Variants in C4orf36 observed in about 807,000 individuals in gnomAD.
The protein encoded by C4orf36 is chromosome 4 open reading frame 36, also known as uncharacterized protein C4orf36.
Under a neutral mutation model 12.2 loss-of-function variants are expected in C4orf36, and 11 were observed. That is an observed-to-expected ratio of 0.90 (90% confidence interval 0.57 to 1.49). The LOEUF (loss-of-function observed/expected upper bound fraction) is 1.49, where lower values mean the gene tolerates loss of function less well. Among genes scored for constraint, C4orf36 ranks in the 40% most tolerant of loss-of-function variants. The pLI is 0.00. For synonymous variants in C4orf36, 54 were observed against 51.3 expected, an observed-to-expected ratio of 1.05 and a Z score of -0.22; for missense variants, 137 against 133.9, an observed-to-expected ratio of 1.02 and a Z score of -0.11.
At chr4:86,893,884 ATTTATTT>A (rs1747528034), upstream of C4orf36, among the ~76,000 whole-genome samples, 2 of 139,508 alleles carry the variant, frequency 1.4e-5, no homozygotes, top group Non-Finnish European at 3.0e-5. Flanking sequence ...TTATTTATTT[ATTTATTT>A]ATTTATTTAT....
At chr4:86,914,784 G>A in the C4orf36 span, 1 of 454,494 alleles carries the variant, frequency 2.2e-6, no homozygotes. Flanking sequence ...CACGATAGGT[G>A]ATTGGCTCTA....
the C4orf36 span, among the ~76,000 whole-genome samples, chr4:86,902,439 A>AAAAAAAG: frequency 7.8e-5 from 11 of 140,958 alleles, no homozygotes; most frequent in African/African-American, 2.4e-4. Flanking sequence ...AAAAAAAAAA[A>AAAAAAAG]AAAGAAAGAA....
rs1204239395 is a variant in C4orf36, at chr4:86,886,452, G to A, written c.*2+1306C>T. 2.0e-5 allele frequency: 3 copies of A among 152,282 alleles called. No homozygotes were observed. In the East Asian group the frequency reaches 5.8e-4, roughly 29 times the overall value. 9.4% of individuals were successfully genotyped at this position (152,282 alleles called of 1,614,324 possible). A position where few individuals can be genotyped will look rare whatever the true frequency, so the allele number is the denominator to read the frequency against. On this transcript the variant is annotated intron_variant, in intron 4 of 4. Transcript: ENST00000295898. ...ACAACCCCATCAAAAAGTGGGCAAA[G>A]GATATGAACAGACACTTCTCAAAAG... is the stretch of plus-strand genomic sequence containing the variant.
At position 86,876,873 on chromosome 4, in the gene C4orf36, C is replaced by T. The variant is rs540890202; in HGVS notation, c.*3-430G>A. Reference sequence around the variant, plus strand: ...CAGATCTACTAAAACCTAGAGTTTTCTCTCTATTACTATCTTATCTAAATC... The same window carrying T: ...CAGATCTACTAAAACCTAGAGTTTTTTCTCTATTACTATCTTATCTAAATC... On this transcript the variant is annotated intron_variant, in intron 4 of 4. Transcript: ENST00000295898. Among the ~76,000 whole-genome samples, 6 of 152,294 alleles carry T rather than the reference C, an allele frequency of 3.9e-5. No homozygotes were observed. The East Asian group carries it at 1.2e-3, about 29-fold the overall frequency.
At chr4:86,904,120 G>T in the C4orf36 span, among the ~76,000 whole-genome samples, 60 of 152,356 alleles carry the variant, frequency 3.9e-4, 1 homozygote, top group East Asian at 0.011. Context: ...CCGGGACTTT[G>T]CGTCACCCAG....
chr4:86,890,776 G>T (rs1362003077), intron 2 of C4orf36, among the ~76,000 whole-genome samples: 1 of 152,210 alleles, frequency 6.6e-6, no homozygotes, highest in Admixed American at 6.5e-5. Flanking sequence ...GTTGCAACAC[G>T]TGCTCACTAT....
chr4:86,886,092 T>G (rs538337455), intron 4 of C4orf36, among the ~76,000 whole-genome samples: 20 of 152,324 alleles, frequency 1.3e-4, no homozygotes, highest in African/African-American at 4.8e-4. Context: ...GCTGCTGGAT[T>G]CAGTTTGCCA....
At chr4:86,913,659 G>T in the C4orf36 span, 1 of 1,595,262 alleles carries the variant, frequency 6.3e-7, no homozygotes, top group Admixed American at 1.7e-5. Flanking sequence ...TGAGGCATCA[G>T]CAACAGACAT....
chr4:86,876,569 T>C, intron 4 of C4orf36, 126 bp from the exon 5 acceptor site: 2 of 1,613,960 alleles, frequency 1.2e-6, no homozygotes, highest in Non-Finnish European at 1.7e-6. Flanking sequence ...CTTTAGCCCA[T>C]CAAAACCTGC....
chr4:86,912,970 A>G, the C4orf36 span, among the ~76,000 whole-genome samples: 5 of 150,850 alleles, frequency 3.3e-5, no homozygotes, highest in Non-Finnish European at 5.9e-5. Flanking sequence ...GGCAATTTAC[A>G]TATCTCCCTC....
the C4orf36 span, among the ~76,000 whole-genome samples, chr4:86,922,221 A>G: frequency 6.6e-6 from 1 of 152,224 alleles, no homozygotes; most frequent in African/African-American, 2.4e-5. Flanking sequence ...TTTCATTTCT[A>G]TGAACTAAAA....
chr4:86,927,119 G>A, the C4orf36 span, among the ~76,000 whole-genome samples: 1 of 152,166 alleles, frequency 6.6e-6, no homozygotes, highest in Non-Finnish European at 1.5e-5. Context: ...TAGAAGATAG[G>A]AGTCATCTTG....
the C4orf36 span, among the ~76,000 whole-genome samples, chr4:86,905,140 A>G: frequency 1.3e-4 from 19 of 151,682 alleles, no homozygotes; most frequent in South Asian, 1.9e-3. Context: ...TGGGAAGCCG[A>G]GGCAGGCGGA....
the C4orf36 span, among the ~76,000 whole-genome samples, chr4:86,927,748 G>A: frequency 1.3e-5 from 2 of 151,566 alleles, no homozygotes; most frequent in Non-Finnish European, 2.9e-5. Context: ...GCAGTGTGCC[G>A]AGATCACGCC....
At chr4:86,917,577 AAGG>A in the C4orf36 span, among the ~76,000 whole-genome samples, 3 of 148,006 alleles carry the variant, frequency 2.0e-5, no homozygotes, top group South Asian at 2.2e-4. Flanking sequence ...GGGAGGGAGG[AAGG>A]AGAAGGGAAG....
the C4orf36 span, chr4:86,933,042 A>C: frequency 6.6e-6 from 1 of 152,168 alleles, no homozygotes; most frequent in Admixed American, 6.6e-5. Flanking sequence ...GATATAAAAA[A>C]TTTTTTAAAG....
At chr4:86,913,527 C>A in the C4orf36 span, 1 of 870,944 alleles carries the variant, frequency 1.1e-6, no homozygotes, top group African/African-American at 1.6e-5. Flanking sequence ...GAAGGTCAGG[C>A]AGCCTCGGTC....
At chr4:86,924,448 C>G in the C4orf36 span, among the ~76,000 whole-genome samples, 4 of 152,138 alleles carry the variant, frequency 2.6e-5, no homozygotes, top group Admixed American at 6.5e-5. Flanking sequence ...TGATCCACCC[C>G]CCTCGGCCTC....
chr4:86,915,786 T>C, the C4orf36 span, among the ~76,000 whole-genome samples: 1 of 151,998 alleles, frequency 6.6e-6, no homozygotes, highest in African/African-American at 2.4e-5. Flanking sequence ...AAACTCCGTC[T>C]CAAAAGAAAA....
Sources: gnomAD v4.1 joint callset for allele counts (sites outside exome capture counted in the v4.1 genomes callset) on GRCh38, gnomAD v4.1.1 for gene constraint, MANE v1.5 for transcripts, NCBI Gene and HGNC (gene_info 2026-07-23, HGNC 2026-07-21) for gene names.